Variants in FUT8 observed in about 807,000 individuals in gnomAD.
FUT8 encodes the protein fucosyltransferase 8.
FUT8 carries 29 observed loss-of-function variants against 71.3 expected under a neutral mutation model. The observed-to-expected ratio is 0.41, with a 90% CI of 0.30 to 0.55. The LOEUF (loss-of-function observed/expected upper bound fraction) is 0.55, where lower values mean the gene tolerates loss of function less well. Ranked by LOEUF, FUT8 falls within the 20% of genes least tolerant of loss-of-function variation. FUT8 has a pLI of 0.34. For synonymous variants in FUT8, 254 were observed against 239.3 expected (o/e 1.06, Z -0.57); for missense variants, 544 against 702.1 (o/e 0.77, Z 2.55).
At chr14:65,527,599 C>G (rs1883582651) in intron 2 of FUT8, among the ~76,000 whole-genome samples, 1 of 152,174 alleles carries the variant, frequency 6.6e-6, no homozygotes, top group Non-Finnish European at 1.5e-5. Flanking sequence ...TGTTCTGTTG[C>G]TGGCCTTTGG....
chr14:65,642,602 CAA>C (rs71126774), intron 6 of FUT8, among the ~76,000 whole-genome samples: 4,475 of 95,638 alleles, frequency 0.047, 129 homozygotes, highest in African/African-American at 0.14. Flanking sequence ...GACTCCGTCT[CAA>C]AAAAAAAAAA....
At chr14:65,723,564 T>G (rs1187616395) in intron 8 of FUT8, among the ~76,000 whole-genome samples, 1 of 152,174 alleles carries the variant, frequency 6.6e-6, no homozygotes. Context: ...TTCATTTACC[T>G]AAAATAGTAA....
the FUT8 span, among the ~76,000 whole-genome samples, chr14:65,396,612 A>G: frequency 6.6e-6 from 1 of 152,214 alleles, no homozygotes; most frequent in Non-Finnish European, 1.5e-5. The surrounding 1 kb of genome is among the most constrained non-coding windows in gnomAD (Gnocchi z 5.5). Flanking sequence ...TATGGGAGCT[A>G]CAGTTCAAGA....
chr14:65,677,152 G>GTGTGCGCGCGCGCA (rs1555383261), intron 7 of FUT8, among the ~76,000 whole-genome samples: 2 of 59,480 alleles, frequency 3.4e-5, no homozygotes, highest in Non-Finnish European at 9.1e-5. Flanking sequence ...GTGTGTGTGT[G>GTGTGCGCGCGCGCA]CGCGCGCGCA....
At chr14:65,605,046 G>A (rs1334886960) in intron 3 of FUT8, among the ~76,000 whole-genome samples, 1 of 151,814 alleles carries the variant, frequency 6.6e-6, no homozygotes, top group Non-Finnish European at 1.5e-5. Context: ...ATTCATGATT[G>A]ATACTTGTAG....
intron 3 of FUT8, among the ~76,000 whole-genome samples, chr14:65,568,690 T>G (rs1044494122): frequency 1.3e-5 from 2 of 151,662 alleles, no homozygotes; most frequent in African/African-American, 4.8e-5. Context: ...AAATGACTTA[T>G]GTTGTTGAAT....
At chr14:65,391,921 C>T in the FUT8 span, among the ~76,000 whole-genome samples, 1 of 151,842 alleles carries the variant, frequency 6.6e-6, no homozygotes, top group Non-Finnish European at 1.5e-5. Context: ...TGTGTCTGGC[C>T]AGCTAAGTGT....
intron 2 of FUT8, among the ~76,000 whole-genome samples, chr14:65,530,482 G>A (rs1427900643): frequency 6.6e-6 from 1 of 152,140 alleles, no homozygotes; most frequent in Admixed American, 6.5e-5. Context: ...TTTTAAAATT[G>A]AGAAAATCCT....
At chr14:65,642,946 C>CAAGT (rs1890909074) in intron 6 of FUT8, among the ~76,000 whole-genome samples, 1 of 152,132 alleles carries the variant, frequency 6.6e-6, no homozygotes, top group Non-Finnish European at 1.5e-5. Context: ...CATATAGATA[C>CAAGT]ACTTACTTCT....
intron 1 of FUT8, among the ~76,000 whole-genome samples, chr14:65,435,789 T>C (rs2065546750): frequency 1.4e-5 from 2 of 146,152 alleles, no homozygotes; most frequent in African/African-American, 5.2e-5. Flanking sequence ...TGTTCCTTTT[T>C]CTTTCTTTTT....
At chr14:65,528,369 C>T (rs911516554) in intron 2 of FUT8, among the ~76,000 whole-genome samples, 10 of 152,338 alleles carry the variant, frequency 6.6e-5, no homozygotes, top group South Asian at 2.1e-4. Flanking sequence ...TATAATCTCC[C>T]GGTGTGCCAT....
At chr14:65,469,658 C>A (rs538350119) in intron 2 of FUT8, among the ~76,000 whole-genome samples, 19 of 152,282 alleles carry the variant, frequency 1.2e-4, no homozygotes, top group African/African-American at 4.6e-4. Flanking sequence ...CAGGTTGTCT[C>A]ATCCAGTGTT....
chr14:65,492,510 A>C (rs901707585), intron 2 of FUT8, among the ~76,000 whole-genome samples: 3 of 152,104 alleles, frequency 2.0e-5, no homozygotes, highest in African/African-American at 7.2e-5. Flanking sequence ...TTTTCTGTAC[A>C]TCACTTTCCT....
intron 2 of FUT8, among the ~76,000 whole-genome samples, chr14:65,540,020 C>T (rs571779067): frequency 2.0e-5 from 3 of 152,152 alleles, no homozygotes; most frequent in Non-Finnish European, 2.9e-5. Flanking sequence ...AAAATTGTAA[C>T]CTTAGTATAC....
rs560622128 is a variant in FUT8, at chr14:65,412,892, C to G, written c.-648C>G. The G allele has an allele frequency of 6.4e-6, 1 of 157,398 alleles. No individual in the cohort carries two copies. The highest frequency in any genetic ancestry group is 1.9e-4 in the East Asian group (1 of 5,174). The allele number at this position is 157,398 out of a possible 1,614,324, so 9.8% of individuals were successfully genotyped here. A position where few individuals can be genotyped will look rare whatever the true frequency, so the allele number is the denominator to read the frequency against. On this transcript the variant is annotated 5_prime_UTR_variant, in exon 1 of 11. Coordinates refer to ENST00000673929, the MANE Select transcript of FUT8 (RefSeq NM_001371533.1). Reference sequence around the variant, plus strand: ...ACCCCCGCCGCCTGGCCCCAGCCGACCCGTCCCTTCGTCTCCCCGCGGAAT... The same window carrying G: ...ACCCCCGCCGCCTGGCCCCAGCCGAGCCGTCCCTTCGTCTCCCCGCGGAAT...
the FUT8 span, among the ~76,000 whole-genome samples, chr14:65,369,716 A>G: frequency 6.6e-6 from 1 of 152,196 alleles, no homozygotes; most frequent in Non-Finnish European, 1.5e-5. This position sits in a 1 kb window ranked among gnomAD's most constrained non-coding sequence, Gnocchi z 4.6. Flanking sequence ...AAGTTACCCT[A>G]TATGGTCTAA....
At chr14:65,564,066 T>G (rs1447251129) in intron 3 of FUT8, among the ~76,000 whole-genome samples, 1 of 152,038 alleles carries the variant, frequency 6.6e-6, no homozygotes, top group Non-Finnish European at 1.5e-5. Context: ...ACTTTACTGC[T>G]GGGGCCATTT....
intron 2 of FUT8, among the ~76,000 whole-genome samples, chr14:65,477,758 ATC>A (rs2066268268): frequency 6.6e-6 from 1 of 152,168 alleles, no homozygotes; most frequent in Admixed American, 6.6e-5. Context: ...CTTTTCTCAT[ATC>A]TTCTAGCCTG....
At chr14:65,494,341 C>G (rs1229620464) in intron 2 of FUT8, among the ~76,000 whole-genome samples, 1 of 152,164 alleles carries the variant, frequency 6.6e-6, no homozygotes, top group Non-Finnish European at 1.5e-5. Flanking sequence ...TCAGTTCAAA[C>G]TAACCACATT....
Sources: allele counts gnomAD v4.1 joint callset (sites outside exome capture counted in the v4.1 genomes callset), GRCh38; gene constraint gnomAD v4.1.1; non-coding constraint Gnocchi (gnomAD v3.1); transcripts MANE v1.5; gene names NCBI Gene and HGNC (gene_info 2026-07-23, HGNC 2026-07-21).